Variants in DPP10 observed in about 807,000 individuals in gnomAD.
DPP10 encodes the protein inactive dipeptidyl peptidase 10.
A neutral mutation model predicts 120.9 loss-of-function variants in DPP10; 33 were observed. The observed-to-expected ratio is 0.27, with a 90% CI of 0.21 to 0.37. The LOEUF (loss-of-function observed/expected upper bound fraction) is 0.37, where lower values mean the gene tolerates loss of function less well. Ranked by LOEUF, DPP10 falls within the 10% of genes least tolerant of loss-of-function variation. DPP10 has a pLI of 1.00. For synonymous variants in DPP10, 337 were observed against 326.1 expected, an observed-to-expected ratio of 1.03 and a Z score of -0.36; for missense variants, 816 against 942.8, an observed-to-expected ratio of 0.87 and a Z score of 1.76.
chr2:115,236,114 T>C (rs1235831936), intron 1 of DPP10, among the ~76,000 whole-genome samples: 1 of 152,228 alleles, frequency 6.6e-6, no homozygotes, highest in Non-Finnish European at 1.5e-5. Context: ...ATATTCATTA[T>C]GATAATTGTA....
intron 1 of DPP10, among the ~76,000 whole-genome samples, chr2:115,109,545 GA>G (rs1008543404): frequency 8.7e-5 from 12 of 138,180 alleles, no homozygotes; most frequent in Non-Finnish European, 1.9e-4. Flanking sequence ...AAAAAAAAAA[GA>G]AAAAAAAATT....
At chr2:114,714,181 C>T (rs1029830608) in intron 1 of DPP10, among the ~76,000 whole-genome samples, 4 of 151,200 alleles carry the variant, frequency 2.6e-5, no homozygotes, top group African/African-American at 7.3e-5. Context: ...GGAGTATTCT[C>T]GGGAGTTTCC....
At position 114,540,002 on chromosome 2, in the gene DPP10, G is replaced by A. The variant is rs184019604; in HGVS notation, c.60+97164G>A. ...ATCACCTGCCTACTGGACATTTTCA[G>A]CATACAACATATTATTATTTTTAGT... On this transcript the variant is annotated intron_variant, in intron 1 of 25. Transcript: ENST00000410059. Among the ~76,000 whole-genome samples the A allele has an allele frequency of 8.5e-5, 13 of 152,112 alleles. 1 individual carries two copies. Among genetic ancestry groups the A allele is most frequent in the Admixed American group, 8.5e-4 (13 of 15,260 alleles).
intron 1 of DPP10, chr2:115,161,067 C>CT (rs1330323725): frequency 2.6e-5 from 4 of 152,250 alleles, no homozygotes; most frequent in Non-Finnish European, 1.5e-5. Context: ...GTATCAGAGT[C>CT]TTATCATCAT....
intron 1 of DPP10, among the ~76,000 whole-genome samples, chr2:114,597,001 A>G (rs981903003): frequency 2.0e-5 from 3 of 152,082 alleles, no homozygotes; most frequent in African/African-American, 7.2e-5. Context: ...CTAGTAGACA[A>G]GTCAGAAAGA....
intron 3 of DPP10, among the ~76,000 whole-genome samples, chr2:115,494,873 A>T (rs903272231): frequency 2.6e-5 from 4 of 152,130 alleles, no homozygotes; most frequent in African/African-American, 9.7e-5. Context: ...CTCTATGTAG[A>T]GATAGATTAT....
intron 1 of DPP10, among the ~76,000 whole-genome samples, chr2:115,007,038 C>A (rs1164560036): frequency 1.3e-5 from 2 of 152,000 alleles, no homozygotes; most frequent in Admixed American, 1.3e-4. Context: ...ACAGTGCAAT[C>A]CAACTAGAAC....
chr2:115,232,536 G>A (rs1435237301), intron 1 of DPP10, among the ~76,000 whole-genome samples: 2 of 152,108 alleles, frequency 1.3e-5, no homozygotes, highest in Admixed American at 6.6e-5. Context: ...TGTGCCTTCT[G>A]ATTTCCCTTG....
chr2:115,004,577 T>C (rs1023732858), intron 1 of DPP10, among the ~76,000 whole-genome samples: 1 of 152,040 alleles, frequency 6.6e-6, no homozygotes, highest in African/African-American at 2.4e-5. Context: ...GGTCAGGGAG[T>C]TCCCTTTCCT....
intron 1 of DPP10, among the ~76,000 whole-genome samples, chr2:114,743,808 C>T (rs944435616): frequency 6.6e-6 from 1 of 151,322 alleles, no homozygotes; most frequent in African/African-American, 2.4e-5. Flanking sequence ...GTGCTTAATA[C>T]GTGTTAGCTA....
At chr2:115,832,082 A>G (rs1318024018) in intron 21 of DPP10, among the ~76,000 whole-genome samples, 1 of 152,198 alleles carries the variant, frequency 6.6e-6, no homozygotes, top group Non-Finnish European at 1.5e-5. Flanking sequence ...TAGAACTTAT[A>G]TCTTATTTTT....
intron 2 of DPP10, among the ~76,000 whole-genome samples, chr2:115,320,085 G>A (rs1158601988): frequency 6.6e-6 from 1 of 152,004 alleles, no homozygotes; most frequent in Admixed American, 6.6e-5. Flanking sequence ...ATACATATAT[G>A]TTTATTATTT....
At chr2:115,813,004 T>G (rs1686818668) in intron 19 of DPP10, among the ~76,000 whole-genome samples, 2 of 128,404 alleles carry the variant, frequency 1.6e-5, no homozygotes, top group Non-Finnish European at 3.1e-5. Flanking sequence ...AGACGGAGTC[T>G]CGCTCTGTCG....
chr2:115,725,539 C>G (rs1212935583), intron 7 of DPP10, among the ~76,000 whole-genome samples: 1 of 152,118 alleles, frequency 6.6e-6, no homozygotes, highest in Non-Finnish European at 1.5e-5. Context: ...TTCTGAGTAT[C>G]CAGTCTGTCA....
intron 17 of DPP10, among the ~76,000 whole-genome samples, chr2:115,785,603 G>A (rs912945240): frequency 5.9e-5 from 9 of 152,050 alleles, no homozygotes; most frequent in Admixed American, 5.2e-4. Flanking sequence ...CTTCTTGTAC[G>A]TTTTTTAGTT....
intron 1 of DPP10, among the ~76,000 whole-genome samples, chr2:115,119,475 G>C (rs1041517029): frequency 1.3e-5 from 2 of 152,186 alleles, no homozygotes; most frequent in Non-Finnish European, 1.5e-5. Flanking sequence ...GCCCTCTCCT[G>C]TCCTGCTCGA....
At chr2:115,300,205 C>T (rs2061062958) in intron 1 of DPP10, among the ~76,000 whole-genome samples, 1 of 152,018 alleles carries the variant, frequency 6.6e-6, no homozygotes, top group South Asian at 2.1e-4. Flanking sequence ...ACTGCATAAC[C>T]ATTAAAAAGA....
At chr2:115,726,507 T>C (rs1368389101) in intron 7 of DPP10, among the ~76,000 whole-genome samples, 1 of 152,128 alleles carries the variant, frequency 6.6e-6, no homozygotes, top group Non-Finnish European at 1.5e-5. Flanking sequence ...TCAAGGTCAT[T>C]AGGATTTTAA....
At chr2:115,091,185 C>T (rs1709224150) in intron 1 of DPP10, among the ~76,000 whole-genome samples, 1 of 152,194 alleles carries the variant, frequency 6.6e-6, no homozygotes, top group South Asian at 2.1e-4. Context: ...CAATGGCCCT[C>T]CAGCAAGGTT....
Sources: allele counts gnomAD v4.1 joint callset (sites outside exome capture counted in the v4.1 genomes callset), GRCh38; gene constraint gnomAD v4.1.1; transcripts MANE v1.5; gene names NCBI Gene and HGNC (gene_info 2026-07-23, HGNC 2026-07-21).